SUMF1: variants seen among roughly 807,000 people sequenced by gnomAD.
SUMF1 encodes the protein sulfatase modifying factor 1, also known as formylglycine-generating enzyme.
SUMF1 carries 48 observed loss-of-function variants against 47.6 expected under a neutral mutation model. That is an observed-to-expected ratio of 1.01 (90% CI 0.80 to 1.28). The LOEUF (loss-of-function observed/expected upper bound fraction) is 1.28, where lower values mean the gene tolerates loss of function less well. Ranked by LOEUF, SUMF1 falls within the 50% of genes most tolerant of loss-of-function variation. The pLI is 0.00. For missense variants in SUMF1, 571 were observed against 485.4 expected (o/e 1.18, Z -1.66); for synonymous variants, 230 against 192.1 (o/e 1.20, Z -1.63).
chr3:4,160,374 G>A (rs1460712329), intron 8 of SUMF1, among the ~76,000 whole-genome samples: 8 of 151,910 alleles, frequency 5.3e-5, no homozygotes, highest in Non-Finnish European at 1.5e-5. Context: ...CAAGTAGCTG[G>A]GACTACAAGT....
At chr3:4,131,970 G>A (rs553330419) in intron 8 of SUMF1, among the ~76,000 whole-genome samples, 2 of 152,226 alleles carry the variant, frequency 1.3e-5, no homozygotes, top group South Asian at 2.1e-4. Flanking sequence ...CCTGGCTACA[G>A]CCAGTGCTGA....
intron 8 of SUMF1, among the ~76,000 whole-genome samples, chr3:4,368,626 G>C (rs1700064660): frequency 6.6e-6 from 1 of 152,140 alleles, no homozygotes; most frequent in African/African-American, 2.4e-5. Context: ...AGAAAATGTG[G>C]CACATATACA....
intron 8 of SUMF1, among the ~76,000 whole-genome samples, chr3:4,248,307 C>A (rs1015192243): frequency 6.6e-6 from 1 of 152,142 alleles, no homozygotes; most frequent in African/African-American, 2.4e-5. Context: ...GTTTTAACTA[C>A]AAGAACCACA....
intron 8 of SUMF1, among the ~76,000 whole-genome samples, chr3:4,106,130 C>T (rs903026890): frequency 2.0e-5 from 3 of 151,902 alleles, no homozygotes; most frequent in African/African-American, 7.3e-5. Flanking sequence ...CTCTAAGTCA[C>T]CTTAGGAGAA....
intron 3 of SUMF1, among the ~76,000 whole-genome samples, chr3:4,437,074 T>G (rs1397267453): frequency 2.6e-5 from 4 of 152,150 alleles, no homozygotes; most frequent in Non-Finnish European, 4.4e-5. Flanking sequence ...CCAACGGATA[T>G]CCTTTAGGCA....
At chr3:4,363,583 G>A (rs1184953173) in intron 8 of SUMF1, among the ~76,000 whole-genome samples, 5 of 151,856 alleles carry the variant, frequency 3.3e-5, no homozygotes, top group Admixed American at 1.3e-4. Context: ...CGTATCCTGA[G>A]ACGTTGCTGA....
chr3:4,304,718 T>C (rs1206067396), intron 8 of SUMF1, among the ~76,000 whole-genome samples: 1 of 152,112 alleles, frequency 6.6e-6, no homozygotes, highest in Non-Finnish European at 1.5e-5. Flanking sequence ...TCAGATAAGA[T>C]AAGAGATTCA....
At position 4,335,968 on chromosome 3, in the gene SUMF1, A is replaced by ACAAAAAACAAC. The variant is rs1553558762; in HGVS notation, c.1014+40361_1014+40362insGTTGTTTTTTG. On this transcript the variant is annotated intron_variant and NMD_transcript_variant, in intron 8 of 12. Coordinates refer to the SUMF1 transcript ENST00000448413. ...TGAGTGAGATTCCAACTCAAAAAAA[A>ACAAAAAACAAC]AAAAAAAAAAAACAGAAAAAACCCC... Among the ~76,000 whole-genome samples the ACAAAAAACAAC allele has an allele frequency of 6.1e-5, 9 of 147,010 alleles. 1 individual carries two copies. Among genetic ancestry groups the ACAAAAAACAAC allele is most frequent in the African/African-American group, 2.3e-4 (9 of 39,794 alleles).
At chr3:4,217,128 T>A (rs1050419249) in intron 8 of SUMF1, among the ~76,000 whole-genome samples, 4 of 152,118 alleles carry the variant, frequency 2.6e-5, no homozygotes, top group African/African-American at 9.7e-5. Flanking sequence ...TGCCCATCGA[T>A]GATAGACTGG....
At chr3:4,182,668 T>C (rs1187250426) in intron 8 of SUMF1, among the ~76,000 whole-genome samples, 1 of 152,130 alleles carries the variant, frequency 6.6e-6, no homozygotes, top group Non-Finnish European at 1.5e-5. Context: ...CTCATGATTT[T>C]TATAATGCAA....
intron 8 of SUMF1, among the ~76,000 whole-genome samples, chr3:4,118,069 G>T (rs553675492): frequency 6.6e-6 from 1 of 152,036 alleles, no homozygotes; most frequent in African/African-American, 2.4e-5. Context: ...ACATATCAGG[G>T]CGGATCTGGC....
chr3:4,440,279 T>G (rs1702541305), intron 3 of SUMF1, among the ~76,000 whole-genome samples: 1 of 152,056 alleles, frequency 6.6e-6, no homozygotes, highest in African/African-American at 2.4e-5. Context: ...CTGAGCTATT[T>G]ATCTGACTTA....
At chr3:4,165,873 C>T (rs796805823) in intron 8 of SUMF1, among the ~76,000 whole-genome samples, 5 of 139,978 alleles carry the variant, frequency 3.6e-5, no homozygotes, top group South Asian at 4.9e-4. Context: ...CCCCCCCCCC[C>T]CCGAGCAAGA....
chr3:4,328,347 G>T (rs557351006), intron 8 of SUMF1, among the ~76,000 whole-genome samples: 4 of 152,114 alleles, frequency 2.6e-5, no homozygotes, highest in Non-Finnish European at 5.9e-5. Flanking sequence ...ATAAGATAGC[G>T]TATTAGTCAG....
chr3:4,294,265 A>G (rs1356469965), intron 8 of SUMF1, among the ~76,000 whole-genome samples: 2 of 152,198 alleles, frequency 1.3e-5, no homozygotes, highest in East Asian at 3.8e-4. Flanking sequence ...CACACTAGCC[A>G]TATTTCAACT....
At chr3:4,356,701 C>G (rs768036953), downstream of SUMF1, among the ~76,000 whole-genome samples, 1 of 152,110 alleles carries the variant, frequency 6.6e-6, no homozygotes, top group Non-Finnish European at 1.5e-5. Flanking sequence ...ACAGTGTTTG[C>G]TTTTTAAAAA....
At chr3:4,126,475 T>G (rs995704507) in intron 8 of SUMF1, among the ~76,000 whole-genome samples, 1 of 152,100 alleles carries the variant, frequency 6.6e-6, no homozygotes, top group Non-Finnish European at 1.5e-5. Flanking sequence ...CAGATTTTAG[T>G]ACATCTTAGC....
intron 8 of SUMF1, among the ~76,000 whole-genome samples, chr3:4,266,566 A>T (rs1326038631): frequency 1.3e-5 from 2 of 152,182 alleles, no homozygotes; most frequent in Admixed American, 1.3e-4. Context: ...ATTTTTGTAC[A>T]TTGACTTTGT....
chr3:4,360,621 C>CTGGGCCTGGCCTACATGACTGCTT (rs1559243282), downstream of SUMF1, among the ~76,000 whole-genome samples: 57 of 152,210 alleles, frequency 3.7e-4, no homozygotes, highest in Non-Finnish European at 2.9e-5. Context: ...GTGTGAGCCA[C>CTGGGCCTGGCCTACATGACTGCTT]TGGGCCTGGC....
Sources: allele counts gnomAD v4.1 joint callset (sites outside exome capture counted in the v4.1 genomes callset), GRCh38; gene constraint gnomAD v4.1.1; transcripts MANE v1.5; gene names NCBI Gene and HGNC (gene_info 2026-07-23, HGNC 2026-07-21).